The following BCR variants were observed in gnomAD, a reference collection of about 807,000 sequenced individuals.
BCR encodes the protein BCR activator of RhoGEF and GTPase.
In BCR, 58 loss-of-function variants were observed where a neutral mutation model predicts 138.6. The ratio of observed to expected loss-of-function variants is 0.42; its 90% CI spans 0.34 to 0.52. The LOEUF is 0.52. Ranked by LOEUF, BCR falls within the 20% of genes least tolerant of loss-of-function variation. The pLI, the probability that BCR is intolerant of heterozygous loss-of-function variation, is 0.06. For synonymous variants in BCR, 786 were observed against 730.1 expected, an observed-to-expected ratio of 1.08 and a Z score of -1.23; for missense variants, 1,599 against 1,727.2, an observed-to-expected ratio of 0.93 and a Z score of 1.32.
In BCR at chr22:23,260,742, C is replaced by A. The variant is rs543283013; in HGVS notation, c.1462-208C>A. 4.0e-5 allele frequency: 22 copies of A among 545,356 alleles called. No homozygotes were observed. In the East Asian group the frequency reaches 7.1e-4, roughly 18 times the overall value. The allele number at this position is 545,356 out of a possible 1,614,324, so 33.8% of individuals were successfully genotyped here. A position where few individuals can be genotyped will look rare whatever the true frequency, so the allele number is the denominator to read the frequency against. On this transcript the variant is annotated intron_variant, in intron 2 of 22. Coordinates refer to ENST00000305877, the MANE Select transcript of BCR (RefSeq NM_004327.4). ...GGGTGGCCCTGGTGTTGCCAGATGA[C>A]CCCCCTCCCCGGGATTCTCAGTGAC...
Position 23,260,997 on chromosome 22 carries a change from G to A in BCR, c.1509G>A (p.Leu503=), listed in dbSNP as rs144134677. The part of the protein sequence containing the change: ...EKGLEMRKWV[L]SGILASEETY... ...GCTTGGAGATGAGAAAATGGGTCCTGTCGGGAATCCTGGCTAGCGAGGAGA... is the reference window on the plus strand; with the variant it reads ...GCTTGGAGATGAGAAAATGGGTCCTATCGGGAATCCTGGCTAGCGAGGAGA... The change falls in exon 3 of 23, where the codon CTG becomes CTA. Residue 503 remains leucine, a synonymous_variant. Transcript: ENST00000305877. 2.4e-5 allele frequency: 39 copies of A among 1,613,906 alleles called. No individual in the cohort carries two copies. Among genetic ancestry groups the A allele is most frequent in the Non-Finnish European group, 5.9e-6 (7 of 1,180,038 alleles).
At chr22:23,218,185 C>T (rs1170299218) in intron 1 of BCR, among the ~76,000 whole-genome samples, 1 of 152,256 alleles carries the variant, frequency 6.6e-6, no homozygotes, top group Admixed American at 6.5e-5. Context: ...ACCTGACCCT[C>T]AGGCCCTGCC....
chr22:23,261,275 T>A, intron 3 of BCR, 80 bp from the exon 4 acceptor site: 1 of 1,443,958 alleles, frequency 6.9e-7, no homozygotes, highest in East Asian at 2.3e-5. Context: ...CAGGTAACCA[T>A]GACTGTCTAC....
intron 8 of BCR, among the ~76,000 whole-genome samples, chr22:23,276,621 C>T (rs1331670479): frequency 2.0e-5 from 3 of 152,132 alleles, no homozygotes; most frequent in East Asian, 1.9e-4. Context: ...ATCCGAGGCA[C>T]GTTAAGGGAG....
At chr22:23,277,553 G>T (rs1259613193) in intron 8 of BCR, among the ~76,000 whole-genome samples, 2 of 152,170 alleles carry the variant, frequency 1.3e-5, no homozygotes, top group Non-Finnish European at 2.9e-5. Context: ...AAGGGGTTGG[G>T]GCTGTTTCTG....
intron 1 of BCR, among the ~76,000 whole-genome samples, chr22:23,193,130 T>C (rs2072435707): frequency 6.6e-6 from 1 of 152,234 alleles, no homozygotes; most frequent in African/African-American, 2.4e-5. Flanking sequence ...CTGACATGCT[T>C]CCGTGTTTAA....
chr22:23,228,164 T>C lies in BCR; in HGVS notation c.1280-25635T>C, dbSNP rs551859182. Among the ~76,000 whole-genome samples, 174 of 152,354 alleles carry C rather than the reference T, an allele frequency of 1.1e-3. 1 individual carries two copies. Among genetic ancestry groups the C allele is most frequent in the African/African-American group, 4.0e-3 (167 of 41,586 alleles). ...TTACTTCTTTTTGTTGGGTTTACTT[T>C]GTTCATCTTTTAAAAAAAATTTTAG... On this transcript the variant is annotated intron_variant, in intron 1 of 22. Coordinates refer to ENST00000305877, the MANE Select transcript of BCR (RefSeq NM_004327.4).
intron 5 of BCR, among the ~76,000 whole-genome samples, chr22:23,270,710 T>C (rs1157075218): frequency 6.6e-6 from 1 of 152,266 alleles, no homozygotes; most frequent in Non-Finnish European, 1.5e-5. Flanking sequence ...ACCTCTTCTG[T>C]CTCTGTTTAT....
At chr22:23,260,910 ACCACC>A (rs1568959753) in intron 2 of BCR, 35 bp from the exon 3 acceptor site, 6 of 1,582,128 alleles carry the variant, frequency 3.8e-6, no homozygotes, top group Non-Finnish European at 4.3e-6. Context: ...GAATCCCCCT[ACCACC>A]CTTCCAGGCT....
chr22:23,314,245 C>G lies in BCR; in HGVS notation c.3563+172C>G, dbSNP rs546551091. Among the ~76,000 whole-genome samples the G allele has an allele frequency of 3.9e-5, 6 of 152,336 alleles. No homozygotes were observed. The South Asian group carries it at 6.2e-4, about 16-fold the overall frequency. On this transcript the variant is annotated intron_variant, in intron 21 of 22. Coordinates refer to ENST00000305877, the MANE Select transcript of BCR (RefSeq NM_004327.4). ...TGCCACCCCTGCCCCAGCCTCTCTT[C>G]TTTGCCACCCTCCTCTCTCTGCACT...
chr22:23,207,968 C>G (rs1435276238), intron 1 of BCR, among the ~76,000 whole-genome samples: 1 of 152,212 alleles, frequency 6.6e-6, no homozygotes, highest in African/African-American at 2.4e-5. Flanking sequence ...AGCTGGACAG[C>G]AGACCCCGGC....
At chr22:23,184,379 C>A (rs2072312070) in intron 1 of BCR, among the ~76,000 whole-genome samples, 1 of 151,972 alleles carries the variant, frequency 6.6e-6, no homozygotes, top group African/African-American at 2.4e-5. Context: ...GGATGAGACA[C>A]CTCACCAGGC....
chr22:23,185,655 GAC>G (rs1296054489), intron 1 of BCR, among the ~76,000 whole-genome samples: 4 of 150,660 alleles, frequency 2.7e-5, no homozygotes, highest in Admixed American at 6.6e-5. Context: ...GACAGAGCGA[GAC>G]ACAGTCTCAA....
chr22:23,296,795 A>G (rs1236342671), intron 16 of BCR, among the ~76,000 whole-genome samples: 1 of 152,136 alleles, frequency 6.6e-6, no homozygotes, highest in Non-Finnish European at 1.5e-5. Context: ...TTAACTAAAA[A>G]TTGCTCTCAG....
rs1434715749 is a variant in BCR at position 23,289,563 on chromosome 22, C to G, written c.2649C>G (p.Thr883=). 2 of 1,614,222 alleles carry G rather than the reference C, an allele frequency of 1.2e-6. No individual in the cohort carries two copies. Among genetic ancestry groups the G allele is most frequent in the South Asian group, 2.2e-5 (2 of 91,084 alleles). The change falls in exon 13 of 23, where the codon ACC becomes ACG. Residue 883 remains threonine, a synonymous_variant. Transcript: ENST00000305877. ...CATCCGTGGAGCTGCAGATGCTGAC[C>G]AACTCGTGTGTGAAACTCCAGACTG... ...SLTSVELQML[T]NSCVKLQTVH... is the part of the protein sequence containing the mutation.
Position 23,180,789 on chromosome 22 carries a change from C to A in BCR, c.-172C>A. On this transcript the variant is annotated 5_prime_UTR_variant, in exon 1 of 23. Coordinates refer to ENST00000305877, the MANE Select transcript of BCR (RefSeq NM_004327.4). ...GCGCCCCGCCCCGCGCGCCGAGCGC[C>A]CCGCTCCGCCTCACCTGCCACCAGG... is the stretch of plus-strand genomic sequence containing the variant. The A allele has an allele frequency of 4.7e-6, 1 of 213,254 alleles. No individual in the cohort carries two copies. The highest frequency in any genetic ancestry group is 7.8e-6 in the Non-Finnish European group (1 of 127,716). The allele number at this position is 213,254 out of a possible 1,614,324, so 13.2% of individuals were successfully genotyped here.
At chr22:23,198,684 G>A (rs1452886648) in intron 1 of BCR, among the ~76,000 whole-genome samples, 1 of 152,166 alleles carries the variant, frequency 6.6e-6, no homozygotes, top group African/African-American at 2.4e-5. Flanking sequence ...TTGTGGGGCT[G>A]TGGAGCAGGG....
chr22:23,196,273 C>T (rs1048045438), intron 1 of BCR, among the ~76,000 whole-genome samples: 1 of 152,130 alleles, frequency 6.6e-6, no homozygotes, highest in Non-Finnish European at 1.5e-5. Context: ...GGCTCGGACA[C>T]AGTCCTTAAA....
At chr22:23,308,793 A>G (rs2073975984) in intron 16 of BCR, among the ~76,000 whole-genome samples, 1 of 152,160 alleles carries the variant, frequency 6.6e-6, no homozygotes, top group Non-Finnish European at 1.5e-5. Flanking sequence ...TGTTCGGGTG[A>G]CATTAAGGAC....
Sources: gnomAD v4.1 joint callset for allele counts (sites outside exome capture counted in the v4.1 genomes callset) on GRCh38, gnomAD v4.1.1 for gene constraint, MANE v1.5 for transcripts, NCBI Gene and HGNC (gene_info 2026-07-23, HGNC 2026-07-21) for gene names.